SLC25A48: variants seen among roughly 807,000 people sequenced by gnomAD.
The protein encoded by SLC25A48 is CTC-321K16.1.
SLC25A48 carries 29 observed loss-of-function variants against 32.2 expected under a neutral mutation model. The observed-to-expected ratio is 0.90, with a 90% CI of 0.67 to 1.23. SLC25A48 has a LOEUF of 1.23. Ranked by LOEUF, SLC25A48 falls within the 50% of genes most tolerant of loss-of-function variation. The pLI is 0.00. For missense variants in SLC25A48, 399 were observed against 422.7 expected (o/e 0.94, Z 0.49); for synonymous variants, 164 against 172.3 (o/e 0.95, Z 0.38).
chr5:135,794,791 C>T (rs1757125459), intron 3 of SLC25A48, among the ~76,000 whole-genome samples: 1 of 151,456 alleles, frequency 6.6e-6, no homozygotes, highest in Non-Finnish European at 1.5e-5. Context: ...CCCAATATTG[C>T]AGGGGGTAGA....
intron 3 of SLC25A48, among the ~76,000 whole-genome samples, chr5:135,728,979 C>T (rs1352339996): frequency 2.6e-5 from 4 of 152,110 alleles, no homozygotes; most frequent in Non-Finnish European, 4.4e-5. Context: ...CTTTGAGGCT[C>T]TTCCTGTAGT....
intron 3 of SLC25A48, among the ~76,000 whole-genome samples, chr5:135,811,054 C>T (rs1051607241): frequency 1.1e-4 from 16 of 152,184 alleles, no homozygotes; most frequent in African/African-American, 2.7e-4. Flanking sequence ...GCCTGGAAGC[C>T]TCCTGCAGCT....
chr5:135,789,765 T>C (rs1580882523), intron 3 of SLC25A48, among the ~76,000 whole-genome samples: 1 of 152,138 alleles, frequency 6.6e-6, no homozygotes, highest in Admixed American at 6.6e-5. Flanking sequence ...ACTTCTCGAT[T>C]GTACCTTGCG....
intron 3 of SLC25A48, among the ~76,000 whole-genome samples, chr5:135,730,407 C>T (rs1755196928): frequency 1.3e-5 from 2 of 152,134 alleles, no homozygotes; most frequent in Admixed American, 1.3e-4. Flanking sequence ...CATTTTTTGC[C>T]TGCCGCCACC....
At chr5:135,860,266 A>G (rs1456858253) in intron 4 of SLC25A48, among the ~76,000 whole-genome samples, 1 of 152,060 alleles carries the variant, frequency 6.6e-6, no homozygotes, top group Non-Finnish European at 1.5e-5. Flanking sequence ...ATCCTCTCCC[A>G]TTTTTCTTGA....
chr5:135,852,835 G>C lies in SLC25A48; in HGVS notation c.421+14G>C. ...CGTTTCGGGACGGTAAGAGGCCAGGGGAGCGGAGGCTGGTGTCTGGGACTT... is the reference window on the plus strand; with the variant it reads ...CGTTTCGGGACGGTAAGAGGCCAGGCGAGCGGAGGCTGGTGTCTGGGACTT... On this transcript the variant is annotated intron_variant, in intron 4 of 7. Coordinates refer to ENST00000681962, the MANE Select transcript of SLC25A48 (RefSeq NM_001349336.2). The C allele has an allele frequency of 6.3e-7, 1 of 1,594,360 alleles. No individual in the cohort carries two copies. The highest frequency in any genetic ancestry group is 8.6e-7 in the Non-Finnish European group (1 of 1,164,252).
chr5:135,774,214 C>T (rs1756491000), intron 3 of SLC25A48, among the ~76,000 whole-genome samples: 1 of 151,734 alleles, frequency 6.6e-6, no homozygotes, highest in South Asian at 2.1e-4. Flanking sequence ...TACACCCCTT[C>T]TGTGATATTG....
rs58632457 is a variant in SLC25A48 at position 135,818,054 on chromosome 5, C to CCTCT, written c.-117+5190_-117+5193dup. On this transcript the variant is annotated intron_variant, in intron 4 of 10. Coordinates refer to the SLC25A48 transcript ENST00000646290. ...GTTTCCCAGGTTTGTTCTCTCTGTTCCTCTCTCTCTCTCTCTCTCTCTCTC... is the reference window on the plus strand; with the variant it reads ...GTTTCCCAGGTTTGTTCTCTCTGTTCCTCTCTCTCTCTCTCTCTCTCTCTCTCTC... Among the ~76,000 whole-genome samples, 23 of 80,646 alleles carry CCTCT rather than the reference C, an allele frequency of 2.9e-4. 1 individual carries two copies. The highest frequency in any genetic ancestry group is 8.8e-4 in the African/African-American group (17 of 19,290). The allele number at this position is 80,646 out of a possible 152,430, so 52.9% of individuals were successfully genotyped here. A position where few individuals can be genotyped will look rare whatever the true frequency, so the allele number is the denominator to read the frequency against.
At chr5:135,883,147 G>A (rs1449911353) in intron 7 of SLC25A48, 2 of 985,352 alleles carry the variant, frequency 2.0e-6, no homozygotes, top group Non-Finnish European at 2.4e-6. Context: ...TCTCCACCAG[G>A]TGGGCTTTCA....
chr5:135,626,671 A>G (rs1437620034), intron 1 of SLC25A48, among the ~76,000 whole-genome samples: 1 of 152,198 alleles, frequency 6.6e-6, no homozygotes, highest in Non-Finnish European at 1.5e-5. Context: ...AGAATGAATT[A>G]GAGGGTAATG....
chr5:135,862,392 T>TA (rs1330173223), intron 4 of SLC25A48, among the ~76,000 whole-genome samples: 64 of 152,372 alleles, frequency 4.2e-4, no homozygotes, highest in African/African-American at 1.4e-3. Flanking sequence ...CTGACTATCC[T>TA]AATCATTGCA....
At chr5:135,581,627 GTTGGCTCTAGAAATATGGA>G (rs1183525468) in intron 1 of SLC25A48, among the ~76,000 whole-genome samples, 3 of 152,248 alleles carry the variant, frequency 2.0e-5, no homozygotes, top group African/African-American at 7.2e-5. Flanking sequence ...GGAAAAAGTA[GTTGGCTCTAGAAATATGGA>G]CCAACGTTCC....
intron 4 of SLC25A48, 104 bp downstream of exon 4, chr5:135,852,925 A>G (rs1662059191): frequency 7.0e-7 from 1 of 1,433,240 alleles, no homozygotes. Context: ...TGAGCAAGGC[A>G]TCTACCTTGT....
intron 1 of SLC25A48, among the ~76,000 whole-genome samples, chr5:135,838,623 G>T (rs182487730): frequency 6.6e-6 from 1 of 152,226 alleles, no homozygotes; most frequent in African/African-American, 2.4e-5. Context: ...CTAGGGACTT[G>T]GTGCTCTGTG....
At chr5:135,877,430 C>A (rs958815146) in intron 6 of SLC25A48, among the ~76,000 whole-genome samples, 22 of 152,044 alleles carry the variant, frequency 1.4e-4, no homozygotes, top group Non-Finnish European at 1.8e-4. Context: ...GGGTTGCTGT[C>A]CCTGGGGAAT....
chr5:135,830,823 G>T (rs142753583), upstream of SLC25A48, among the ~76,000 whole-genome samples: 127 of 152,284 alleles, frequency 8.3e-4, no homozygotes, highest in African/African-American at 2.9e-3. Context: ...ATTGCTGTCT[G>T]CCTGCTCTGT....
intron 1 of SLC25A48, among the ~76,000 whole-genome samples, chr5:135,584,044 A>T (rs1751299541): frequency 6.6e-6 from 1 of 152,252 alleles, no homozygotes; most frequent in Admixed American, 6.5e-5. Context: ...AGCCCAGAGA[A>T]AATGATGTGG....
chr5:135,718,108 A>G (rs1200415107), intron 3 of SLC25A48, among the ~76,000 whole-genome samples: 2 of 151,898 alleles, frequency 1.3e-5, no homozygotes, highest in Non-Finnish European at 2.9e-5. Flanking sequence ...CCTGGGTTCA[A>G]GCGACTCTCC....
chr5:135,860,364 G>T (rs1024766985), intron 4 of SLC25A48, among the ~76,000 whole-genome samples: 2 of 152,088 alleles, frequency 1.3e-5, no homozygotes, highest in African/African-American at 4.8e-5. Context: ...GCCTCATTCT[G>T]CTATTAGAAA....
Sources: gnomAD v4.1 joint callset for allele counts (sites outside exome capture counted in the v4.1 genomes callset) on GRCh38, gnomAD v4.1.1 for gene constraint, MANE v1.5 for transcripts, NCBI Gene and HGNC (gene_info 2026-07-23, HGNC 2026-07-21) for gene names.